ABCC8: variants seen among roughly 807,000 people sequenced by gnomAD.
ABCC8 encodes ATP-binding cassette sub-family C member 8.
Under a neutral mutation model 188.0 loss-of-function variants are expected in ABCC8, and 137 were observed. That is an observed-to-expected ratio of 0.73 (90% CI 0.63 to 0.84). The LOEUF (loss-of-function observed/expected upper bound fraction) is 0.84, where lower values mean the gene tolerates loss of function less well. ABCC8 is among the 40% of genes least tolerant of loss of function. ABCC8 has a pLI of 0.00. For synonymous variants in ABCC8, 797 were observed against 846.5 expected (o/e 0.94, Z 1.01); for missense variants, 1,750 against 2,072.7 (o/e 0.84, Z 3.02).
chr11:17,412,134 C>T (rs897028999), intron 21 of ABCC8, among the ~76,000 whole-genome samples: 29 of 152,086 alleles, frequency 1.9e-4, no homozygotes, highest in African/African-American at 6.3e-4. Flanking sequence ...CCTCGTGATC[C>T]GCCTGCCTCG....
chr11:17,418,010 G>C (rs975597738), intron 16 of ABCC8, among the ~76,000 whole-genome samples: 2 of 152,118 alleles, frequency 1.3e-5, no homozygotes, highest in Admixed American at 1.3e-4. Context: ...TCCAGCTTTG[G>C]CCTCCTAAAG....
intron 28 of ABCC8, among the ~76,000 whole-genome samples, chr11:17,403,163 AC>A (rs1293992411): frequency 2.0e-5 from 3 of 152,042 alleles, no homozygotes; most frequent in Non-Finnish European, 4.4e-5. Flanking sequence ...AAAGCGTTCA[AC>A]CCCGTCTTCC....
rs1955012304 is a variant in ABCC8, at chr11:17,415,242, T to A, written c.2291+62A>T. On this transcript the variant is annotated intron_variant, in intron 18 of 38. Transcript: ENST00000389817. Reference sequence around the variant, plus strand: ...GCCCAGCAGGGTGATGTGGCTCCCTTGGGCCTGAGAGCACCCTGGAGGGAG... The same window carrying A: ...GCCCAGCAGGGTGATGTGGCTCCCTAGGGCCTGAGAGCACCCTGGAGGGAG... 1.9e-6 allele frequency: 3 copies of A among 1,573,088 alleles called. No homozygotes were observed. In the African/African-American group the frequency reaches 4.0e-5, roughly 21 times the overall value.
intron 33 of ABCC8, 67 bp from the exon 34 acceptor site, chr11:17,395,997 C>T (rs1953907233): frequency 1.3e-6 from 2 of 1,549,012 alleles, no homozygotes; most frequent in African/African-American, 1.4e-5. Context: ...TCTATGCTAG[C>T]TCTGGGTGTG....
rs370171815 is a variant in ABCC8 at position 17,406,806 on chromosome 11, G to A, written c.3163-18C>T. 1.2e-6 allele frequency: 2 copies of A among 1,614,196 alleles called. No individual in the cohort carries two copies. Among genetic ancestry groups the A allele is most frequent in the Non-Finnish European group, 8.5e-7 (1 of 1,180,034 alleles). On this transcript the variant is annotated intron_variant, in intron 25 of 38. Transcript: ENST00000389817. Reference sequence around the variant, plus strand: ...GTGCACTCCTTCACAGGCAGAGAGTGATTTGGAGTTCCAGGGTGCCCATGG... The same window carrying A: ...GTGCACTCCTTCACAGGCAGAGAGTAATTTGGAGTTCCAGGGTGCCCATGG...
intron 23 of ABCC8, 28 bp from the exon 24 acceptor site, chr11:17,407,481 G>A (rs1448461330): frequency 1.9e-6 from 3 of 1,614,046 alleles, no homozygotes; most frequent in Middle Eastern, 1.6e-4. Flanking sequence ...CCTGGGCAAT[G>A]TCTTCAGGAT....
chr11:17,412,647 C>G lies in ABCC8; in HGVS notation c.2556+19G>C. 6.2e-7 allele frequency: 1 copy of G among 1,606,756 alleles called. No homozygotes were observed. Among genetic ancestry groups the G allele is most frequent in the South Asian group, 1.1e-5 (1 of 89,346 alleles). On this transcript the variant is annotated intron_variant, in intron 21 of 38. Transcript: ENST00000389817. ...GGGAGGCAGCCAGAGACCAGGACCCCAAGGGAACTTGCACTCACCAAGAAG... is the reference window on the plus strand; with the variant it reads ...GGGAGGCAGCCAGAGACCAGGACCCGAAGGGAACTTGCACTCACCAAGAAG...
At chr11:17,407,644 C>T (rs966102614) in intron 23 of ABCC8, 191 bp from the exon 24 acceptor site, 4 of 555,590 alleles carry the variant, frequency 7.2e-6, no homozygotes, top group Non-Finnish European at 9.1e-6. Context: ...GATAATAGCA[C>T]CCCCATATCC....
At chr11:17,433,532 G>A (rs372980738) in intron 10 of ABCC8, among the ~76,000 whole-genome samples, 25 of 152,244 alleles carry the variant, frequency 1.6e-4, no homozygotes, top group African/African-American at 3.1e-4. Flanking sequence ...CAACTTCAGG[G>A]AATCCCAAGT....
intron 7 of ABCC8, among the ~76,000 whole-genome samples, chr11:17,451,680 T>C (rs954590542): frequency 1.1e-4 from 17 of 152,258 alleles, no homozygotes; most frequent in African/African-American, 3.9e-4. Flanking sequence ...CACAACTTCA[T>C]GGACATCACT....
chr11:17,402,612 T>C, intron 29 of ABCC8, 49 bp downstream of exon 29: 2 of 1,614,130 alleles, frequency 1.2e-6, no homozygotes, highest in Non-Finnish European at 1.7e-6. Flanking sequence ...CTGTGCCCCC[T>C]GGCCCCACCC....
intron 11 of ABCC8, among the ~76,000 whole-genome samples, chr11:17,431,369 T>G (rs531459654): frequency 1.3e-5 from 2 of 152,272 alleles, no homozygotes; most frequent in Non-Finnish European, 2.9e-5. Context: ...GCCACCTGGC[T>G]GGCTCAGTGG....
chr11:17,404,177 GAC>G lies in ABCC8; in HGVS notation c.3557+333_3557+334del, dbSNP rs1460409882. Among the ~76,000 whole-genome samples the G allele has an allele frequency of 6.6e-6, 1 of 152,156 alleles. No homozygotes were observed. The highest frequency in any genetic ancestry group is 2.4e-5 in the African/African-American group (1 of 41,428). On this transcript the variant is annotated intron_variant, in intron 28 of 38. Transcript: ENST00000389817. The surrounding 1 kb of genome is among the most constrained non-coding windows in gnomAD (Gnocchi z 4.7). Reference sequence around the variant, plus strand: ...GATTTCATGCATCAGCAATCAGCCTGACCACTAGAATGATGCAACCCTCCTGG... The same window carrying G: ...GATTTCATGCATCAGCAATCAGCCTGCACTAGAATGATGCAACCCTCCTGG...
chr11:17,463,696 C>G (rs766327008), intron 3 of ABCC8, 92 bp from the exon 4 acceptor site: 26 of 1,508,566 alleles, frequency 1.7e-5, no homozygotes, highest in Non-Finnish European at 2.3e-5. Flanking sequence ...GAGAAGGAGA[C>G]AGAATAAGCG....
rs61880328 is a variant in ABCC8, at chr11:17,446,413, G to A, written c.1332+2103C>T. ...CCCAAAGTGTTAACTAATGAGAGAA[G>A]CATGGTCAGAAATCTTCATTTTTCA... On this transcript the variant is annotated intron_variant, in intron 8 of 38. Transcript: ENST00000389817. Among the ~76,000 whole-genome samples, 1,100 of 151,554 alleles carry A rather than the reference G, an allele frequency of 7.3e-3. 9 individuals are homozygous for A. The highest frequency in any genetic ancestry group is 0.01 in the Non-Finnish European group (701 of 67,884).
Position 17,393,108 on chromosome 11 carries a change from CAGG to C in ABCC8, c.4626_4628del (p.Ile1542_Leu1543delinsMet). 1 of 1,613,888 alleles carries C rather than the reference CAGG, an allele frequency of 6.2e-7. No homozygotes were observed. The highest frequency in any genetic ancestry group is 1.1e-5 in the South Asian group (1 of 91,074). Reference sequence around the variant, plus strand: ...TCAGGACGATCACCAGGTCTGCACTCAGGATGGTGTGCACTCGATGCTGGGCAG... The same window carrying C: ...TCAGGACGATCACCAGGTCTGCACTCATGGTGTGCACTCGATGCTGGGCAG... On this transcript the variant is annotated inframe_deletion, in exon 39 of 39. Coordinates refer to ENST00000389817, the MANE Select transcript of ABCC8 (RefSeq NM_000352.6).
In ABCC8 at chr11:17,393,607, G is replaced by A. The variant is rs1217395776; in HGVS notation, c.4608+90C>T. On this transcript the variant is annotated intron_variant, in intron 38 of 38. Coordinates refer to ENST00000389817, the MANE Select transcript of ABCC8 (RefSeq NM_000352.6). ...GTTCTTTCTTGATTACTGGGACCAG[G>A]CAAGCCCAGGGGCTGTGCACTGATG... 5 of 1,585,212 alleles carry A rather than the reference G, an allele frequency of 3.2e-6. No homozygotes were observed. The Admixed American group carries it at 8.3e-5, about 26-fold the overall frequency.
intron 36 of ABCC8, 116 bp from the exon 37 acceptor site, chr11:17,394,515 G>A (rs1297889809): frequency 6.5e-7 from 1 of 1,547,622 alleles, no homozygotes; most frequent in Non-Finnish European, 8.8e-7. Context: ...AAATAGGTGG[G>A]TGTGTGTCCA....
chr11:17,438,849 T>A (rs16934140), intron 10 of ABCC8, among the ~76,000 whole-genome samples: 2,687 of 152,284 alleles, frequency 0.018, 92 homozygotes, highest in African/African-American at 0.062. Context: ...CTGAGACATT[T>A]CAATTCACTG....
Sources: gnomAD v4.1 joint callset for allele counts (sites outside exome capture counted in the v4.1 genomes callset) on GRCh38, gnomAD v4.1.1 for gene constraint, Gnocchi (gnomAD v3.1) non-coding constraint, MANE v1.5 for transcripts, NCBI Gene and HGNC (gene_info 2026-07-23, HGNC 2026-07-21) for gene names.